The following COL26A1 variants were observed in gnomAD, a reference collection of about 807,000 sequenced individuals.
COL26A1 encodes the protein collagen alpha-1(XXVI) chain.
A neutral mutation model predicts 59.3 loss-of-function variants in COL26A1; 41 were observed. The ratio of observed to expected loss-of-function variants is 0.69; its 90% confidence interval spans 0.54 to 0.90. The LOEUF is 0.90. Ranked by LOEUF, COL26A1 falls within the 40% of genes least tolerant of loss-of-function variation. The pLI is 0.00. For synonymous variants in COL26A1, 266 were observed against 256.0 expected, an observed-to-expected ratio of 1.04 and a Z score of -0.37; for missense variants, 612 against 602.3, an observed-to-expected ratio of 1.02 and a Z score of -0.17.
chr7:101,526,270 A>T (rs1795246934), intron 3 of COL26A1, among the ~76,000 whole-genome samples: 1 of 151,534 alleles, frequency 6.6e-6, no homozygotes, highest in African/African-American at 2.4e-5. Flanking sequence ...GCTGGTCTTG[A>T]CCTCTCAACC....
At chr7:101,464,948 G>A (rs892000656) in intron 3 of COL26A1, among the ~76,000 whole-genome samples, 21 of 151,516 alleles carry the variant, frequency 1.4e-4, no homozygotes, top group Non-Finnish European at 3.1e-4. Context: ...CTGGCTCCAA[G>A]TGATCCTCCC....
At chr7:101,438,199 TA>T (rs1792963852) in intron 2 of COL26A1, among the ~76,000 whole-genome samples, 1 of 151,172 alleles carries the variant, frequency 6.6e-6, no homozygotes, top group South Asian at 2.1e-4. Context: ...GCATATCTAC[TA>T]AAAATACAAA....
chr7:101,478,341 G>C (rs1252016383), intron 3 of COL26A1, among the ~76,000 whole-genome samples: 1 of 152,198 alleles, frequency 6.6e-6, no homozygotes, highest in African/African-American at 2.4e-5. Context: ...TTTCGGGAGA[G>C]CGTGGTGGTA....
intron 3 of COL26A1, among the ~76,000 whole-genome samples, chr7:101,464,506 G>T (rs911918620): frequency 6.6e-6 from 1 of 151,638 alleles, no homozygotes; most frequent in Admixed American, 6.6e-5. Flanking sequence ...CTGCCTCCCG[G>T]GTTCAAACGA....
At chr7:101,479,961 A>G (rs114205439) in intron 3 of COL26A1, among the ~76,000 whole-genome samples, 2,862 of 152,298 alleles carry the variant, frequency 0.019, 73 homozygotes, top group African/African-American at 0.065. Flanking sequence ...ATTGTTAACT[A>G]TAATTTCTCT....
intron 1 of COL26A1, among the ~76,000 whole-genome samples, chr7:101,398,236 A>G (rs956131642): frequency 1.3e-5 from 2 of 152,138 alleles, no homozygotes; most frequent in African/African-American, 4.8e-5. Context: ...TTTACAATCT[A>G]TTGGAGAATA....
At chr7:101,432,007 G>A (rs1053330177) in intron 2 of COL26A1, among the ~76,000 whole-genome samples, 2 of 142,438 alleles carry the variant, frequency 1.4e-5, no homozygotes, top group East Asian at 2.0e-4. Context: ...TGCTCTCGTT[G>A]CCCAGGCTGT....
intron 3 of COL26A1, among the ~76,000 whole-genome samples, chr7:101,495,621 A>G (rs914599335): frequency 8.6e-5 from 13 of 151,080 alleles, no homozygotes; most frequent in Non-Finnish European, 1.6e-4. Context: ...GGGTTTCACC[A>G]TGTTAGCCAG....
At chr7:101,452,638 G>C (rs6943584) in intron 3 of COL26A1, among the ~76,000 whole-genome samples, 31,775 of 152,006 alleles carry the variant, frequency 0.21, 3,769 homozygotes, top group Middle Eastern at 0.35. Context: ...ATTGCTCTGG[G>C]CTACAAACCT....
intron 6 of COL26A1, 74 bp downstream of exon 6, chr7:101,544,170 G>A (rs1584502098): frequency 8.4e-7 from 1 of 1,186,910 alleles, no homozygotes; most frequent in East Asian, 2.5e-5. Flanking sequence ...ACTGGAACAG[G>A]CGAGGTGTCC....
intron 6 of COL26A1, 30 bp from the exon 7 acceptor site, chr7:101,545,308 C>T (rs773312077): frequency 3.6e-5 from 55 of 1,537,002 alleles, no homozygotes; most frequent in Non-Finnish European, 4.6e-5. Context: ...GCTCCGGCTG[C>T]CACAGTGACT....
intron 4 of COL26A1, among the ~76,000 whole-genome samples, chr7:101,534,092 G>A (rs1428406756): frequency 6.6e-6 from 1 of 152,202 alleles, no homozygotes; most frequent in East Asian, 1.9e-4. Context: ...CTGGAGGGAT[G>A]AGGCAGCCTC....
chr7:101,374,769 G>T (rs532181487), intron 1 of COL26A1, among the ~76,000 whole-genome samples: 4 of 152,276 alleles, frequency 2.6e-5, no homozygotes, highest in East Asian at 1.9e-4. Context: ...GAAATAAAGT[G>T]CACAGGCCAG....
rs201142748 is a variant in COL26A1 at position 101,489,652 on chromosome 7, TCTTTCTTTCTTCCTTCCTTCCTTCCTTC to T, written c.385+41877_385+41904del. The stretch of plus-strand genomic sequence containing the variant: ...TTCTTTCTTTCTTTCTTTCTTTCTT[TCTTTCTTTCTTCCTTCCTTCCTTCCTTC>T]CTTTCTTTCTTTCTTTCTGTCTTTC... On this transcript the variant is annotated intron_variant, in intron 3 of 12. Transcript: ENST00000313669. Among the ~76,000 whole-genome samples, 415 of 75,744 alleles carry T rather than the reference TCTTTCTTTCTTCCTTCCTTCCTTCCTTC, an allele frequency of 5.5e-3. 45 individuals carry two copies. Among genetic ancestry groups the T allele is most frequent in the African/African-American group, 8.3e-3 (71 of 8,536 alleles). The allele number at this position is 75,744 out of a possible 152,430, so 49.7% of individuals were successfully genotyped here.
rs1362190818 is a variant in COL26A1 at position 101,387,775 on chromosome 7, TA to T, written c.158+24586del. Reference sequence around the variant, plus strand: ...ATATTTATATATATATATATATATATATATTTTTTTTTAAGACAGAGTCTCA... The same window carrying T: ...ATATTTATATATATATATATATATATTATTTTTTTTTAAGACAGAGTCTCA... On this transcript the variant is annotated intron_variant, in intron 1 of 12. Transcript: ENST00000313669. Among the ~76,000 whole-genome samples, 452 of 46,150 alleles carry T rather than the reference TA, an allele frequency of 9.8e-3. 11 individuals are homozygous for T. The highest frequency in any genetic ancestry group is 0.024 in the African/African-American group (384 of 15,790). The allele number at this position is 46,150 out of a possible 152,430, so 30.3% of individuals were successfully genotyped here.
In COL26A1 at chr7:101,557,380, C is replaced by G; in HGVS notation, c.1176C>G (p.Ala392=). The G allele has an allele frequency of 6.2e-7, 1 of 1,612,972 alleles. No homozygotes were observed. Among genetic ancestry groups the G allele is most frequent in the South Asian group, 1.1e-5 (1 of 90,956 alleles). Residue 392 remains alanine (A), a synonymous_variant, in exon 13 of 13, where the codon GCC becomes GCG. Transcript: ENST00000313669. ...EHMIGIHDPL[A]SPEGGSGQDA... is the part of the protein sequence containing the mutation. Reference sequence around the variant, plus strand: ...CTGCTCTCCTTCCAGATCCCCTGGCCTCCCCAGAGGGAGGTTCTGGCCAGG... The same window carrying G: ...CTGCTCTCCTTCCAGATCCCCTGGCGTCCCCAGAGGGAGGTTCTGGCCAGG...
intron 3 of COL26A1, among the ~76,000 whole-genome samples, chr7:101,499,879 T>TA (rs35539371): frequency 0.18 from 14,154 of 79,650 alleles, 868 homozygotes; most frequent in African/African-American, 0.36. Context: ...GTCCCTGCCT[T>TA]AAAAAAAAAA....
chr7:101,386,487 G>A (rs1286231412), intron 1 of COL26A1, among the ~76,000 whole-genome samples: 3 of 152,098 alleles, frequency 2.0e-5, no homozygotes, highest in African/African-American at 7.2e-5. Flanking sequence ...GCGGTGCACC[G>A]CACCTGGCCC....
intron 3 of COL26A1, among the ~76,000 whole-genome samples, chr7:101,455,930 C>T (rs1173872077): frequency 2.0e-5 from 3 of 151,904 alleles, no homozygotes; most frequent in Non-Finnish European, 4.4e-5. Flanking sequence ...AGGTGATCCG[C>T]CTGCCTCGGC....
Sources: allele counts gnomAD v4.1 joint callset (sites outside exome capture counted in the v4.1 genomes callset), GRCh38; gene constraint gnomAD v4.1.1; transcripts MANE v1.5; gene names NCBI Gene and HGNC (gene_info 2026-07-23, HGNC 2026-07-21).